The following HYPK variants were observed in gnomAD, a reference collection of about 807,000 sequenced individuals.
HYPK encodes the protein huntingtin interacting protein K.
A neutral mutation model predicts 13.9 loss-of-function variants in HYPK; 9 were observed. The observed-to-expected ratio is 0.65, with a 90% CI of 0.39 to 1.13. The LOEUF (loss-of-function observed/expected upper bound fraction) is 1.13. HYPK is among the 50% of genes most tolerant of loss of function. The pLI, the probability that HYPK is intolerant of heterozygous loss-of-function variation, is 0.01. For synonymous variants in HYPK, 76 were observed against 57.0 expected (o/e 1.33, Z -1.50); for missense variants, 138 against 157.6 (o/e 0.88, Z 0.67).
rs543885035 is a variant in HYPK, at chr15:43,800,995, T to C, written c.163-137T>C. 2.7e-5 allele frequency: 24 copies of C among 887,990 alleles called. No individual in the cohort carries two copies. The South Asian group carries it at 3.1e-4, about 11-fold the overall frequency. 55.0% of individuals were successfully genotyped at this position (887,990 alleles called of 1,614,324 possible). A position where few individuals can be genotyped will look rare whatever the true frequency, so the allele number is the denominator to read the frequency against. On this transcript the variant is annotated intron_variant, in intron 1 of 3. Transcript: ENST00000442995. Reference sequence around the variant, plus strand: ...TTAAGGGGACCTCAGGTGCATAGAATGGAATTAAACATAGTCCTTGCTACC... The same window carrying C: ...TTAAGGGGACCTCAGGTGCATAGAACGGAATTAAACATAGTCCTTGCTACC...
In HYPK at chr15:43,803,506, A is replaced by C. The variant is rs541653516; in HGVS notation, c.*1700A>C. Among the ~76,000 whole-genome samples the C allele has an allele frequency of 4.5e-4, 69 of 152,044 alleles. No individual in the cohort carries two copies. The highest frequency in any genetic ancestry group is 8.5e-4 in the Non-Finnish European group (58 of 67,948). ...GGTAATTTTACTTTAAAGGTTAATC[A>C]GGGCCGGGCGTGGTGGCGCATGCCT... On this transcript the variant is annotated 3_prime_UTR_variant, in exon 4 of 4. Coordinates refer to ENST00000442995, the MANE Select transcript of HYPK (RefSeq NM_016400.4).
chr15:43,801,922 G>A lies in HYPK; in HGVS notation c.*116G>A. On this transcript the variant is annotated 3_prime_UTR_variant, in exon 4 of 4. Transcript: ENST00000442995. ...GAGTGTATACTATATCCTATGTTGT[G>A]GAGAATTTATATGTTGGAGACTAAC... 1.3e-6 allele frequency: 1 copy of A among 785,480 alleles called. No homozygotes were observed. 48.7% of individuals were successfully genotyped at this position (785,480 alleles called of 1,614,324 possible).
In HYPK at chr15:43,801,936, T is replaced by G; in HGVS notation, c.*130T>G. ...TCCTATGTTGTGGAGAATTTATATG[T>G]TGGAGACTAACTGAATTTAAGTGAC... On this transcript the variant is annotated 3_prime_UTR_variant, in exon 4 of 4. Coordinates refer to ENST00000442995, the MANE Select transcript of HYPK (RefSeq NM_016400.4). The G allele has an allele frequency of 1.4e-6, 1 of 714,498 alleles. No individual in the cohort carries two copies. The allele number at this position is 714,498 out of a possible 1,614,324, so 44.3% of individuals were successfully genotyped here.
chr15:43,801,994 C>T lies in HYPK; in HGVS notation c.*188C>T. ...AATCTAGCACACCTGTATGAAAAAT[C>T]AGTGTAGAAGAATACCTCATGTGCA... On this transcript the variant is annotated 3_prime_UTR_variant, in exon 4 of 4. Coordinates refer to ENST00000442995, the MANE Select transcript of HYPK (RefSeq NM_016400.4). 1 of 600,696 alleles carries T rather than the reference C, an allele frequency of 1.7e-6. No individual in the cohort carries two copies. The highest frequency in any genetic ancestry group is 2.0e-5 in the South Asian group (1 of 49,484). 37.2% of individuals were successfully genotyped at this position (600,696 alleles called of 1,614,324 possible). A position where few individuals can be genotyped will look rare whatever the true frequency, so the allele number is the denominator to read the frequency against.
At position 43,801,698 on chromosome 15, in the gene HYPK, T is replaced by G; in HGVS notation, c.271-13T>G. 3 of 1,613,902 alleles carry G rather than the reference T, an allele frequency of 1.9e-6. No individual in the cohort carries two copies. Among genetic ancestry groups the G allele is most frequent in the Non-Finnish European group, 2.5e-6 (3 of 1,179,816 alleles). Reference sequence around the variant, plus strand: ...ATGCCTGGGAACCTATGTAACATGATTTTTTTCTGCAGATGACTGAGATGG... The same window carrying G: ...ATGCCTGGGAACCTATGTAACATGAGTTTTTTCTGCAGATGACTGAGATGG... On this transcript the variant is annotated splice_polypyrimidine_tract_variant and intron_variant, in intron 3 of 3. Transcript: ENST00000442995.
rs527468854 is a variant in HYPK, at chr15:43,804,108, A to C, written c.*2302A>C. 9.9e-4 allele frequency among the ~76,000 whole-genome samples: 150 copies of C among 151,914 alleles called. No individual in the cohort carries two copies. The highest frequency in any genetic ancestry group is 6.8e-3 in the Middle Eastern group (2 of 294). On this transcript the variant is annotated 3_prime_UTR_variant, in exon 4 of 4. Coordinates refer to ENST00000442995, the MANE Select transcript of HYPK (RefSeq NM_016400.4). ...TCTTTAAAACAAACAAACAAACAAA[A>C]AAAAAACCCTGCAACGGCCCCTGAG...
upstream of HYPK, chr15:43,800,463 G>T (rs755363159): frequency 5.0e-5 from 49 of 974,248 alleles, no homozygotes; most frequent in Non-Finnish European, 7.4e-5. Flanking sequence ...CCGAAAGGAA[G>T]TCTGAGAGAC....
Position 43,800,724 on chromosome 15 carries a change from C to G in HYPK, c.102C>G (p.Asp34Glu). 1.2e-6 allele frequency: 2 copies of G among 1,613,958 alleles called. No individual in the cohort carries two copies. Among genetic ancestry groups the G allele is most frequent in the Non-Finnish European group, 1.7e-6 (2 of 1,179,978 alleles). Residue 34 changes from aspartate (D) to glutamate (E), a missense_variant, in exon 1 of 4, where the codon GAC becomes GAG. Asp to Glu is a conservative substitution (Grantham distance 45). This residue lies in a region of HYPK where 4 missense variants were observed against 30.4 expected (regional missense o/e 0.13). Coordinates refer to ENST00000442995, the MANE Select transcript of HYPK (RefSeq NM_016400.4). The stretch of plus-strand genomic sequence containing the variant: ...GGAAACATGACAGCGGTGCGGCGGA[C>G]TTGGAGCGGGTCACCGACTATGCAG... ...KPRKHDSGAA[D>E]LERVTDYAEE...
chr15:43,801,260 T>C, intron 2 of HYPK, 73 bp downstream of exon 2: 1 of 1,300,066 alleles, frequency 7.7e-7, no homozygotes, highest in Non-Finnish European at 1.1e-6. Context: ...AAAACCATTA[T>C]TAAGCCTTTA....
rs1450054860 is a variant in HYPK, at chr15:43,800,792, T to G, written c.162+8T>G. ...AGTTCCAATCTGGAGACGGTAAGGT[T>G]GGCCAAGAGCATGTCGGGGCGGGCT... is the stretch of plus-strand genomic sequence containing the variant. On this transcript the variant is annotated splice_region_variant and intron_variant, in intron 1 of 3. Coordinates refer to ENST00000442995, the MANE Select transcript of HYPK (RefSeq NM_016400.4). The G allele has an allele frequency of 6.2e-7, 1 of 1,603,020 alleles. No individual in the cohort carries two copies. The highest frequency in any genetic ancestry group is 2.2e-5 in the East Asian group (1 of 44,618).
rs2087346313 is a variant in HYPK, at chr15:43,804,119, G to GC, written c.*2314dup. Among the ~76,000 whole-genome samples the GC allele has an allele frequency of 6.6e-6, 1 of 151,846 alleles. No individual in the cohort carries two copies. Among genetic ancestry groups the GC allele is most frequent in the Non-Finnish European group, 1.5e-5 (1 of 67,990 alleles). ...AACAAACAAACAAAAAAAAAACCCT[G>GC]CAACGGCCCCTGAGTCTGCTGTAAG... is the stretch of plus-strand genomic sequence containing the variant. On this transcript the variant is annotated 3_prime_UTR_variant, in exon 4 of 4. Coordinates refer to ENST00000442995, the MANE Select transcript of HYPK (RefSeq NM_016400.4).
At chr15:43,801,380 G>A in intron 2 of HYPK, 138 bp from the exon 3 acceptor site, 2 of 872,754 alleles carry the variant, frequency 2.3e-6, no homozygotes, top group Non-Finnish European at 3.6e-6. Context: ...CCAGGGGAAA[G>A]GAGTATTAGT....
upstream of HYPK, chr15:43,800,460 G>A (rs1227823678): frequency 7.4e-6 from 7 of 940,854 alleles, no homozygotes; most frequent in East Asian, 2.6e-5. Context: ...AACCCGAAAG[G>A]AAGTCTGAGA....
rs549894597 is a variant in HYPK at position 43,804,175 on chromosome 15, C to G, written c.*2369C>G. Among the ~76,000 whole-genome samples, 3 of 152,248 alleles carry G rather than the reference C, an allele frequency of 2.0e-5. No homozygotes were observed. The highest frequency in any genetic ancestry group is 7.2e-5 in the African/African-American group (3 of 41,548). On this transcript the variant is annotated 3_prime_UTR_variant, in exon 4 of 4. Transcript: ENST00000442995. Reference sequence around the variant, plus strand: ...TCAAATGGCAATTACAGACATTTCTCCAAGAGTTTCAAGGCCTTACCCTCA... The same window carrying G: ...TCAAATGGCAATTACAGACATTTCTGCAAGAGTTTCAAGGCCTTACCCTCA...
rs775173980 is a variant in HYPK, at chr15:43,801,828, C to T, written c.*22C>T. On this transcript the variant is annotated 3_prime_UTR_variant, in exon 4 of 4. Coordinates refer to ENST00000442995, the MANE Select transcript of HYPK (RefSeq NM_016400.4). Reference sequence around the variant, plus strand: ...CTGATGCGTGCTTTCTCAAATATACCTACTGGATTAATTTATGGCAATAAA... The same window carrying T: ...CTGATGCGTGCTTTCTCAAATATACTTACTGGATTAATTTATGGCAATAAA... 5.0e-6 allele frequency: 8 copies of T among 1,603,044 alleles called. No individual in the cohort carries two copies. The highest frequency in any genetic ancestry group is 6.8e-6 in the Non-Finnish European group (8 of 1,171,236).
rs2087335845 is a variant in HYPK, at chr15:43,802,993, A to C, written c.*1187A>C. 1 of 151,490 alleles carries C rather than the reference A, an allele frequency of 6.6e-6. No homozygotes were observed. Among genetic ancestry groups the C allele is most frequent in the Non-Finnish European group, 1.5e-5 (1 of 68,006 alleles). 9.4% of individuals were successfully genotyped at this position (151,490 alleles called of 1,614,324 possible). On this transcript the variant is annotated 3_prime_UTR_variant, in exon 4 of 4. Coordinates refer to ENST00000442995, the MANE Select transcript of HYPK (RefSeq NM_016400.4). Reference sequence around the variant, plus strand: ...CACTTGAGCCCAGCAGTTTGAGACCAGCTTGGGCAACACAGTGAGATTTCG... The same window carrying C: ...CACTTGAGCCCAGCAGTTTGAGACCCGCTTGGGCAACACAGTGAGATTTCG...
Position 43,800,629 on chromosome 15 carries a change from A to T in HYPK, c.7A>T (p.Thr3Ser), listed in dbSNP as rs780486837. 70 of 1,613,960 alleles carry T rather than the reference A, an allele frequency of 4.3e-5. No homozygotes were observed. Among genetic ancestry groups the T allele is most frequent in the Non-Finnish European group, 5.8e-5 (68 of 1,180,020 alleles). ...GCGGCGTGGTGAAATAGATATGGCG[A>T]CCGAGGGGGATGTGGAGCTGGAGTT... is the stretch of plus-strand genomic sequence containing the variant. MA[T>S]EGDVELELET... Residue 3 changes from threonine (T) to serine (S), a missense_variant, in exon 1 of 4, where the codon ACC becomes TCC. Physicochemically the swap from Thr to Ser is moderately conservative, Grantham distance 58. Transcript: ENST00000442995.
rs186266593 is a variant in HYPK at position 43,801,269 on chromosome 15, T to C, written c.218+82T>C. 1.6e-5 allele frequency: 20 copies of C among 1,224,228 alleles called. No individual in the cohort carries two copies. The African/African-American group carries it at 2.7e-4, about 16-fold the overall frequency. 75.8% of individuals were successfully genotyped at this position (1,224,228 alleles called of 1,614,324 possible). ...AAAATAAAAACCATTATTAAGCCTT[T>C]ATACCGTTCTTCAAATTTATCACCA... On this transcript the variant is annotated intron_variant, in intron 2 of 3. Coordinates refer to ENST00000442995, the MANE Select transcript of HYPK (RefSeq NM_016400.4).
In HYPK at chr15:43,801,788, T is replaced by G. The variant is rs751902034; in HGVS notation, c.348T>G (p.Leu116=). Residue 116 remains leucine, a synonymous_variant, in exon 4 of 4, where the codon CTT becomes CTG. Coordinates refer to ENST00000442995, the MANE Select transcript of HYPK (RefSeq NM_016400.4). ...REHMGNVVEA[L]IALTN is the part of the protein sequence containing the mutation. ...ACATGGGCAACGTGGTAGAGGCGCT[T>G]ATTGCCCTAACCAACTGATGCGTGC... The G allele has an allele frequency of 5.0e-6, 8 of 1,614,094 alleles. No homozygotes were observed. In the South Asian group the frequency reaches 7.7e-5, roughly 16 times the overall value.
Sources: allele counts gnomAD v4.1 joint callset (sites outside exome capture counted in the v4.1 genomes callset), GRCh38; gene constraint gnomAD v4.1.1; regional missense constraint gnomAD v4.1.1; transcripts MANE v1.5; gene names NCBI Gene and HGNC (gene_info 2026-07-23, HGNC 2026-07-21).